TMEM44: variants seen among roughly 807,000 people sequenced by gnomAD.
TMEM44 encodes the protein transmembrane protein 44.
A neutral mutation model predicts 47.8 loss-of-function variants in TMEM44; 43 were observed. That is an observed-to-expected ratio of 0.90 (90% confidence interval 0.70 to 1.16). The LOEUF (loss-of-function observed/expected upper bound fraction) is 1.16, where lower values mean the gene tolerates loss of function less well. TMEM44 is among the 50% of genes most tolerant of loss of function. The pLI is 0.00. For synonymous variants in TMEM44, 277 were observed against 238.8 expected, an observed-to-expected ratio of 1.16 and a Z score of -1.48; for missense variants, 568 against 555.2, an observed-to-expected ratio of 1.02 and a Z score of -0.23.
At chr3:194,625,296 A>C (rs577885168) in intron 3 of TMEM44, among the ~76,000 whole-genome samples, 35 of 152,022 alleles carry the variant, frequency 2.3e-4, no homozygotes, top group Non-Finnish European at 1.5e-4. Context: ...GTGTGCCTGG[A>C]GTGCCCTGCC....
chr3:194,614,087 A>G (rs143733736), intron 7 of TMEM44, among the ~76,000 whole-genome samples: 43 of 152,194 alleles, frequency 2.8e-4, no homozygotes, highest in Non-Finnish European at 3.2e-4. Context: ...GTGCCACGGC[A>G]CTCCAGCCTC....
chr3:194,621,044 ATGT>A (rs1716484104), intron 5 of TMEM44, among the ~76,000 whole-genome samples: 1 of 147,354 alleles, frequency 6.8e-6, no homozygotes, highest in South Asian at 2.1e-4. Flanking sequence ...AAAAAAAAAG[ATGT>A]TGAAGTCCCA....
At chr3:194,590,913 G>A (rs1003870510) in intron 9 of TMEM44, among the ~76,000 whole-genome samples, 4 of 152,188 alleles carry the variant, frequency 2.6e-5, no homozygotes, top group Non-Finnish European at 5.9e-5. Flanking sequence ...ACTAGTACAG[G>A]CCGGGCACGG....
At chr3:194,596,758 G>A (rs9829391) in intron 9 of TMEM44, 64,087 of 152,028 alleles carry the variant, frequency 0.42, 14,331 homozygotes, top group East Asian at 0.77. Flanking sequence ...CGTCTCAAAA[G>A]CCCCTATGTG....
At chr3:194,598,225 G>A (rs1466622223) in intron 9 of TMEM44, among the ~76,000 whole-genome samples, 1 of 152,066 alleles carries the variant, frequency 6.6e-6, no homozygotes, top group South Asian at 2.1e-4. Context: ...CCCTCCACGC[G>A]AGCCCCACAT....
chr3:194,593,456 G>C (rs1428373479), intron 9 of TMEM44, among the ~76,000 whole-genome samples: 1 of 152,032 alleles, frequency 6.6e-6, no homozygotes, highest in Non-Finnish European at 1.5e-5. Flanking sequence ...CCATAAAACT[G>C]AGATGCCAAT....
At chr3:194,617,574 T>G (rs1716047685) in intron 5 of TMEM44, 1 of 673,862 alleles carries the variant, frequency 1.5e-6, no homozygotes, top group Non-Finnish European at 2.7e-6. Flanking sequence ...TACCTTTGAT[T>G]GATCATGACT....
chr3:194,620,285 G>A (rs1299366259), intron 5 of TMEM44, among the ~76,000 whole-genome samples: 21 of 96,896 alleles, frequency 2.2e-4, no homozygotes, highest in African/African-American at 9.1e-4. Flanking sequence ...GTGAAACTCC[G>A]ACTCAAAAAA....
rs564896868 is a variant in TMEM44, at chr3:194,630,178, A to G, written c.138-1669T>C. On this transcript the variant is annotated intron_variant, in intron 1 of 9. Coordinates refer to ENST00000347147, the MANE Select transcript of TMEM44 (RefSeq NM_001011655.3). The stretch of plus-strand genomic sequence containing the variant: ...CTTCCCGAAGGGGCTGGCTGTTTCC[A>G]TCGGCGTCACTGATAGGGCCCCTGA... 3.8e-4 allele frequency among the ~76,000 whole-genome samples: 25 copies of G among 65,872 alleles called. No homozygotes were observed. In the South Asian group the frequency reaches 0.013, roughly 34 times the overall value. 43.2% of individuals were successfully genotyped at this position (65,872 alleles called of 152,430 possible).
chr3:194,618,965 G>A (rs1270531983), intron 5 of TMEM44, among the ~76,000 whole-genome samples: 3 of 152,246 alleles, frequency 2.0e-5, no homozygotes, highest in Non-Finnish European at 4.4e-5. Flanking sequence ...CAGAGGCTGA[G>A]GGTGGAGACG....
At chr3:194,599,286 C>A (rs1713784555) in intron 9 of TMEM44, among the ~76,000 whole-genome samples, 1 of 152,116 alleles carries the variant, frequency 6.6e-6, no homozygotes, top group Admixed American at 6.5e-5. Flanking sequence ...ATTGGTCCCT[C>A]ACGGATGTTT....
intron 9 of TMEM44, among the ~76,000 whole-genome samples, chr3:194,596,265 C>G (rs539516050): frequency 6.6e-6 from 1 of 152,068 alleles, no homozygotes; most frequent in African/African-American, 2.4e-5. Context: ...AGGCAGAGCG[C>G]GCCTGCATCG....
At chr3:194,621,078 C>T (rs992455146) in intron 5 of TMEM44, among the ~76,000 whole-genome samples, 3 of 150,838 alleles carry the variant, frequency 2.0e-5, no homozygotes, top group African/African-American at 4.9e-5. Context: ...TCTGTGAATG[C>T]GGCCTTATTT....
At chr3:194,594,608 G>A (rs1713175489) in intron 9 of TMEM44, among the ~76,000 whole-genome samples, 3 of 150,610 alleles carry the variant, frequency 2.0e-5, no homozygotes, top group Non-Finnish European at 2.9e-5. Flanking sequence ...CTATCCTGCT[G>A]AGGGAACATA....
At chr3:194,590,335 C>G (rs1189516588) in intron 9 of TMEM44, 1 of 152,212 alleles carries the variant, frequency 6.6e-6, no homozygotes, top group African/African-American at 2.4e-5. Flanking sequence ...TCCCAGTGAC[C>G]CTGCAGTGAC....
intron 9 of TMEM44, among the ~76,000 whole-genome samples, chr3:194,603,979 G>C (rs1387326669): frequency 2.0e-5 from 3 of 151,842 alleles, no homozygotes; most frequent in Non-Finnish European, 4.4e-5. Flanking sequence ...TTCGCCTCCT[G>C]GGTAGCTGGG....
At chr3:194,632,189 G>A (rs545488406) in intron 1 of TMEM44, among the ~76,000 whole-genome samples, 1 of 152,230 alleles carries the variant, frequency 6.6e-6, no homozygotes. Context: ...CATTGAATGA[G>A]TTAATGAATG....
intron 1 of TMEM44, among the ~76,000 whole-genome samples, chr3:194,628,915 G>A (rs1717468718): frequency 1.3e-5 from 2 of 152,208 alleles, no homozygotes; most frequent in South Asian, 4.1e-4. Context: ...TGTAATCCCA[G>A]CAGTTTGGGA....
At position 194,626,221 on chromosome 3, in the gene TMEM44, C is replaced by G. The variant is rs1346755663; in HGVS notation, c.265-231G>C. Among the ~76,000 whole-genome samples the G allele has an allele frequency of 2.6e-5, 4 of 152,356 alleles. 1 individual carries two copies. In the East Asian group the frequency reaches 7.7e-4, roughly 29 times the overall value. ...GAACCCACGGTATGCAGATGCCCAC[C>G]AGCAGGGTTGGGATAAGAGCCCAGC... is the stretch of plus-strand genomic sequence containing the variant. On this transcript the variant is annotated intron_variant, in intron 2 of 9. Transcript: ENST00000347147.
Sources: gnomAD v4.1 joint callset for allele counts (sites outside exome capture counted in the v4.1 genomes callset) on GRCh38, gnomAD v4.1.1 for gene constraint, MANE v1.5 for transcripts, NCBI Gene and HGNC (gene_info 2026-07-23, HGNC 2026-07-21) for gene names.